LRMDA: variants seen among roughly 807,000 people sequenced by gnomAD.
LRMDA encodes the protein leucine rich melanocyte differentiation associated, also known as leucine-rich melanocyte differentiation-associated protein.
In LRMDA, 18 loss-of-function variants were observed where a neutral mutation model predicts 29.8. The ratio of observed to expected loss-of-function variants is 0.60; its 90% CI spans 0.42 to 0.90. The LOEUF is 0.90. LRMDA is among the 40% of genes least tolerant of loss of function. LRMDA has a pLI of 0.00. For missense variants in LRMDA, 273 were observed against 273.9 expected, an observed-to-expected ratio of 1.00 and a Z score of 0.02; for synonymous variants, 125 against 109.4, an observed-to-expected ratio of 1.14 and a Z score of -0.89.
At chr10:76,502,585 C>T (rs758492311) in intron 6 of LRMDA, among the ~76,000 whole-genome samples, 1 of 151,626 alleles carries the variant, frequency 6.6e-6, no homozygotes, top group Non-Finnish European at 1.5e-5. Flanking sequence ...TCTTGGTTAG[C>T]TGTGTTCCTA....
chr10:76,385,155 A>G (rs1350379563), intron 6 of LRMDA, among the ~76,000 whole-genome samples: 1 of 152,236 alleles, frequency 6.6e-6, no homozygotes, highest in East Asian at 1.9e-4. Context: ...TGAATGCCCA[A>G]GAGGCTGTCA....
intron 2 of LRMDA, among the ~76,000 whole-genome samples, chr10:75,798,500 T>C (rs1279144035): frequency 6.6e-6 from 1 of 152,088 alleles, no homozygotes; most frequent in East Asian, 1.9e-4. Context: ...TTTATTTCAT[T>C]GATTTTTCTT....
chr10:75,721,105 A>G lies in LRMDA; in HGVS notation c.131+282611A>G, dbSNP rs184633159. Among the ~76,000 whole-genome samples the G allele has an allele frequency of 6.0e-3, 909 of 152,308 alleles. 3 individuals are homozygous for G. The highest frequency in any genetic ancestry group is 8.3e-3 in the Non-Finnish European group (567 of 68,030). On this transcript the variant is annotated intron_variant, in intron 2 of 6. Transcript: ENST00000611255. ...TTGAAAGCCAGTGGTCTTTTGCATA[A>G]CCATTTTGTTCTGGCTCCAATCTGA...
intron 2 of LRMDA, among the ~76,000 whole-genome samples, chr10:75,664,182 T>C (rs1011066614): frequency 1.2e-4 from 19 of 152,220 alleles, no homozygotes; most frequent in African/African-American, 3.6e-4. Flanking sequence ...CTGGCTCCTC[T>C]TTCTCAACCA....
At chr10:76,525,577 T>C (rs981601218) in intron 6 of LRMDA, among the ~76,000 whole-genome samples, 1 of 151,324 alleles carries the variant, frequency 6.6e-6, no homozygotes, top group East Asian at 1.9e-4. Context: ...TGGCCTATAA[T>C]AGGTTCTTGT....
intron 2 of LRMDA, among the ~76,000 whole-genome samples, chr10:75,558,413 A>C (rs990699841): frequency 6.6e-6 from 1 of 152,158 alleles, no homozygotes; most frequent in African/African-American, 2.4e-5. Context: ...ACTTGACTTG[A>C]ATCCTATATA....
intron 2 of LRMDA, among the ~76,000 whole-genome samples, chr10:75,456,971 T>C (rs531376240): frequency 2.0e-5 from 3 of 152,318 alleles, no homozygotes; most frequent in African/African-American, 7.2e-5. Flanking sequence ...TCACCTCACG[T>C]GGCGGTAAAA....
At chr10:76,009,968 A>T (rs1482836406) in intron 2 of LRMDA, among the ~76,000 whole-genome samples, 1 of 151,798 alleles carries the variant, frequency 6.6e-6, no homozygotes, top group Non-Finnish European at 1.5e-5. Flanking sequence ...CATAATTTTC[A>T]AAGGTAATTT....
At chr10:76,244,504 A>G (rs1852337938) in intron 5 of LRMDA, among the ~76,000 whole-genome samples, 1 of 152,146 alleles carries the variant, frequency 6.6e-6, no homozygotes, top group Admixed American at 6.6e-5. Context: ...AGAGCCATGT[A>G]GATATTAAAA....
intron 2 of LRMDA, among the ~76,000 whole-genome samples, chr10:75,526,397 T>G (rs1845412899): frequency 6.6e-6 from 1 of 151,888 alleles, no homozygotes; most frequent in South Asian, 2.1e-4. Flanking sequence ...AAGGCTGAGA[T>G]TGGCAGGTAA....
At chr10:75,976,627 A>G (rs536789071) in intron 2 of LRMDA, among the ~76,000 whole-genome samples, 12 of 152,214 alleles carry the variant, frequency 7.9e-5, no homozygotes, top group Non-Finnish European at 1.8e-4. Flanking sequence ...ATATTTGTCA[A>G]AGTATTACTA....
chr10:75,889,908 AAAG>A (rs1564598085), intron 2 of LRMDA, among the ~76,000 whole-genome samples: 1 of 152,244 alleles, frequency 6.6e-6, no homozygotes, highest in Non-Finnish European at 1.5e-5. Flanking sequence ...TGGGCTGATC[AAAG>A]AAGAATAAGA....
At chr10:76,056,450 C>T (rs1848615879) in intron 4 of LRMDA, among the ~76,000 whole-genome samples, 1 of 152,238 alleles carries the variant, frequency 6.6e-6, no homozygotes, top group African/African-American at 2.4e-5. Context: ...CTGTCTGCCT[C>T]CTGCTGCCAG....
intron 2 of LRMDA, among the ~76,000 whole-genome samples, chr10:75,810,059 G>T (rs1843930351): frequency 6.6e-6 from 1 of 152,172 alleles, no homozygotes; most frequent in African/African-American, 2.4e-5. Flanking sequence ...GAGGGGAGAA[G>T]AGGGTAGGAA....
chr10:76,536,996 T>C (rs529929173), intron 6 of LRMDA, among the ~76,000 whole-genome samples: 2 of 152,342 alleles, frequency 1.3e-5, no homozygotes, highest in South Asian at 4.1e-4. Flanking sequence ...CTTTCTTCCC[T>C]TGCATCTATT....
chr10:75,710,720 G>A (rs191715131), intron 2 of LRMDA, among the ~76,000 whole-genome samples: 9 of 152,224 alleles, frequency 5.9e-5, no homozygotes, highest in African/African-American at 2.2e-4. Flanking sequence ...TTAAATGTGT[G>A]GCCAAGGAGT....
intron 2 of LRMDA, among the ~76,000 whole-genome samples, chr10:75,737,438 G>T (rs556806922): frequency 6.6e-6 from 1 of 152,364 alleles, no homozygotes; most frequent in Non-Finnish European, 1.5e-5. Flanking sequence ...GCAGCAGTCT[G>T]GGAGGGCCTG....
chr10:76,228,674 G>A (rs961538535), intron 5 of LRMDA, among the ~76,000 whole-genome samples: 2 of 152,106 alleles, frequency 1.3e-5, no homozygotes, highest in East Asian at 3.9e-4. Context: ...TGTCAGACAT[G>A]CAAAAAACCT....
chr10:76,260,285 T>G (rs1839917995), intron 5 of LRMDA, among the ~76,000 whole-genome samples: 1 of 152,166 alleles, frequency 6.6e-6, no homozygotes, highest in Non-Finnish European at 1.5e-5. Flanking sequence ...ACCAGTGAGT[T>G]TTATAGCCAT....
Sources: allele counts gnomAD v4.1 joint callset (sites outside exome capture counted in the v4.1 genomes callset), GRCh38; gene constraint gnomAD v4.1.1; transcripts MANE v1.5; gene names NCBI Gene and HGNC (gene_info 2026-07-23, HGNC 2026-07-21).